Variants in BLOC1S3 observed in about 807,000 individuals in gnomAD.
BLOC1S3 encodes biogenesis of lysosome-related organelles complex 1 subunit 3.
Under a neutral mutation model 9.1 loss-of-function variants are expected in BLOC1S3, and 7 were observed. That is an observed-to-expected ratio of 0.77 (90% CI 0.44 to 1.45). The LOEUF (loss-of-function observed/expected upper bound fraction) is 1.45. Among genes scored for constraint, BLOC1S3 ranks in the 40% most tolerant of loss-of-function variants. The pLI is 0.01. For missense variants in BLOC1S3, 307 were observed against 315.2 expected, an observed-to-expected ratio of 0.97 and a Z score of 0.20; for synonymous variants, 145 against 158.4, an observed-to-expected ratio of 0.92 and a Z score of 0.64.
chr19:45,197,824 C>CAAAAAAAA (rs55654938), intron 2 of BLOC1S3, among the ~76,000 whole-genome samples: 1 of 63,588 alleles, frequency 1.6e-5, no homozygotes, highest in Non-Finnish European at 2.7e-5. Context: ...GACTCCGTCT[C>CAAAAAAAA]AAAAAAAAAA....
chr19:45,206,839 T>A (rs181804224), intron 3 of BLOC1S3, among the ~76,000 whole-genome samples: 1 of 151,924 alleles, frequency 6.6e-6, no homozygotes, highest in African/African-American at 2.4e-5. Context: ...TGTTTTATTA[T>A]TTTATTTATT....
At chr19:45,207,727 A>G (rs1969738747) in intron 3 of BLOC1S3, among the ~76,000 whole-genome samples, 1 of 151,794 alleles carries the variant, frequency 6.6e-6, no homozygotes, top group Admixed American at 6.6e-5. Flanking sequence ...ACAGAGCGAG[A>G]CTCCATCTCA....
At position 45,207,565 on chromosome 19, in the gene BLOC1S3, A is replaced by C. The variant is rs12460072; in HGVS notation, n.282+5058A>C. Among the ~76,000 whole-genome samples, 621 of 104,852 alleles carry C rather than the reference A, an allele frequency of 5.9e-3. 5 individuals carry two copies. Among genetic ancestry groups the C allele is most frequent in the East Asian group, 0.022 (61 of 2,742 alleles). The allele number at this position is 104,852 out of a possible 152,430, so 68.8% of individuals were successfully genotyped here. ...AGCGAGACTCTGTCTCAAAAAAAAA[A>C]AAAAAAAAAAAAAAAAAAAAACCTA... On this transcript the variant is annotated intron_variant and non_coding_transcript_variant, in intron 3 of 3. Transcript: ENST00000591569.
intron 3 of BLOC1S3, among the ~76,000 whole-genome samples, chr19:45,210,002 G>C (rs577359080): frequency 6.6e-6 from 1 of 152,256 alleles, no homozygotes; most frequent in African/African-American, 2.4e-5. Context: ...CAAAGTGCTG[G>C]GATTACAGGC....
intron 3 of BLOC1S3, among the ~76,000 whole-genome samples, chr19:45,204,423 C>T (rs565775848): frequency 3.9e-5 from 6 of 151,918 alleles, no homozygotes; most frequent in African/African-American, 1.2e-4. Flanking sequence ...GAACCCCTGA[C>T]CTCAGGTGAT....
intron 3 of BLOC1S3, among the ~76,000 whole-genome samples, chr19:45,203,532 A>G (rs1969706720): frequency 6.6e-6 from 1 of 152,146 alleles, no homozygotes; most frequent in African/African-American, 2.4e-5. Context: ...TAAGCTTCCC[A>G]AAGTGCTGGG....
chr19:45,209,532 C>A (rs183336979), intron 3 of BLOC1S3, among the ~76,000 whole-genome samples: 2,975 of 152,258 alleles, frequency 0.02, 63 homozygotes, highest in Non-Finnish European at 0.025. Flanking sequence ...CTCCATTCTC[C>A]TGCCTCAGCC....
At chr19:45,185,399 G>C (rs1022196783), downstream of BLOC1S3, among the ~76,000 whole-genome samples, 9 of 152,162 alleles carry the variant, frequency 5.9e-5, no homozygotes, top group African/African-American at 1.7e-4. Context: ...TGGAGCTGTT[G>C]AGACGTTCGG....
intron 3 of BLOC1S3, chr19:45,213,384 A>G (rs901308464): frequency 5.5e-5 from 89 of 1,609,784 alleles, no homozygotes; most frequent in Non-Finnish European, 7.5e-5. Context: ...AGACAGGTGC[A>G]TGCAGATCCC....
intron 3 of BLOC1S3, among the ~76,000 whole-genome samples, chr19:45,208,297 C>A (rs1969742628): frequency 6.6e-6 from 1 of 151,652 alleles, no homozygotes; most frequent in Non-Finnish European, 1.5e-5. Context: ...TCTTATGAAT[C>A]TATAATCTCT....
In BLOC1S3 at chr19:45,189,754, A is replaced by G. The variant is rs1204095796; in HGVS notation, n.180+2014A>G. Among the ~76,000 whole-genome samples, 3 of 151,914 alleles carry G rather than the reference A, an allele frequency of 2.0e-5. No individual in the cohort carries two copies. In the East Asian group the frequency reaches 5.8e-4, roughly 29 times the overall value. ...CCCGGCAGGTAGTCTTCTTTGGGTT[A>G]AATCTGCTTGGTGTTCTATAACCTT... On this transcript the variant is annotated intron_variant and non_coding_transcript_variant, in intron 2 of 3. Transcript: ENST00000591569.
At chr19:45,209,491 G>T (rs547707124) in intron 3 of BLOC1S3, among the ~76,000 whole-genome samples, 2 of 151,854 alleles carry the variant, frequency 1.3e-5, no homozygotes, top group Non-Finnish European at 2.9e-5. Context: ...ATGCAATCTC[G>T]GCTCACTGCA....
chr19:45,213,710 C>T (rs1407170302), intron 3 of BLOC1S3, among the ~76,000 whole-genome samples: 1 of 151,900 alleles, frequency 6.6e-6, no homozygotes. Context: ...TTTGGGGGGC[C>T]AAGGCAGGCG....
chr19:45,190,739 G>A (rs73566235), intron 2 of BLOC1S3, among the ~76,000 whole-genome samples: 9,480 of 143,556 alleles, frequency 0.066, 1,022 homozygotes, highest in African/African-American at 0.22. Flanking sequence ...GAAAGGTCAC[G>A]TATCTCTGTC....
chr19:45,200,239 T>C (rs1969680692), intron 2 of BLOC1S3, among the ~76,000 whole-genome samples: 1 of 150,018 alleles, frequency 6.7e-6, no homozygotes, highest in Non-Finnish European at 1.5e-5. Flanking sequence ...TGGGGTGCAG[T>C]GACACGATCT....
intron 2 of BLOC1S3, among the ~76,000 whole-genome samples, chr19:45,195,331 C>G (rs932707869): frequency 5.5e-4 from 83 of 152,042 alleles, no homozygotes; most frequent in African/African-American, 1.9e-3. Flanking sequence ...CTCAGCCACC[C>G]GAGTAGCTGG....
At chr19:45,196,912 AT>A (rs1342097558) in intron 2 of BLOC1S3, among the ~76,000 whole-genome samples, 21 of 150,178 alleles carry the variant, frequency 1.4e-4, no homozygotes, top group African/African-American at 5.2e-4. Flanking sequence ...AAAAAAAAAA[AT>A]CAATTTTAGG....
At position 45,179,231 on chromosome 19, in the gene BLOC1S3, C is replaced by T; in HGVS notation, c.-9-57C>T. 2 of 1,441,018 alleles carry T rather than the reference C, an allele frequency of 1.4e-6. No homozygotes were observed. Among genetic ancestry groups the T allele is most frequent in the Non-Finnish European group, 1.8e-6 (2 of 1,100,152 alleles). The allele number at this position is 1,441,018 out of a possible 1,614,324, so 89.3% of individuals were successfully genotyped here. On this transcript the variant is annotated intron_variant, in intron 1 of 1. Transcript: ENST00000433642. The surrounding 1 kb of genome is among the most constrained non-coding windows in gnomAD (Gnocchi z 4.6). ...AGGGGCTGGGAATCCAGGACCTGCGCCTTTTACCCACCGCGGCGCCGGTCT... is the reference window on the plus strand; with the variant it reads ...AGGGGCTGGGAATCCAGGACCTGCGTCTTTTACCCACCGCGGCGCCGGTCT...
In BLOC1S3 at chr19:45,179,467, T is replaced by G. The variant is rs953269617; in HGVS notation, c.171T>G (p.Ala57=). Reference sequence around the variant, plus strand: ...GCCGCCCCACGGGGCTGCGGGTGGCTGGGGAAGCCGCGGAGACCGACTCGG... The same window carrying G: ...GCCGCCCCACGGGGCTGCGGGTGGCGGGGGAAGCCGCGGAGACCGACTCGG... The part of the protein sequence containing the change: ...TRGRPTGLRV[A]GEAAETDSEP... The change falls in exon 2 of 2, where the codon GCT becomes GCG. Residue 57 remains alanine, a synonymous_variant. Transcript: ENST00000433642. This position sits in a 1 kb window ranked among gnomAD's most constrained non-coding sequence, Gnocchi z 4.6. The G allele has an allele frequency of 6.6e-7, 1 of 1,523,774 alleles. No individual in the cohort carries two copies. Among genetic ancestry groups the G allele is most frequent in the Non-Finnish European group, 8.8e-7 (1 of 1,141,776 alleles). 94.4% of individuals were successfully genotyped at this position (1,523,774 alleles called of 1,614,324 possible).
Sources: allele counts gnomAD v4.1 joint callset (sites outside exome capture counted in the v4.1 genomes callset), GRCh38; gene constraint gnomAD v4.1.1; non-coding constraint Gnocchi (gnomAD v3.1); transcripts MANE v1.5; gene names NCBI Gene and HGNC (gene_info 2026-07-23, HGNC 2026-07-21).